TAB2: variants seen among roughly 807,000 people sequenced by gnomAD.
TAB2 encodes TGF-beta-activated kinase 1 and MAP3K7-binding protein 2.
A neutral mutation model predicts 65.0 loss-of-function variants in TAB2; 3 were observed. The observed-to-expected ratio is 0.05, with a 90% CI of 0.02 to 0.12. The LOEUF (loss-of-function observed/expected upper bound fraction) is 0.12, where lower values mean the gene tolerates loss of function less well. TAB2 is among the 10% of genes least tolerant of loss of function. TAB2 has a pLI of 1.00. For synonymous variants in TAB2, 298 were observed against 285.1 expected (o/e 1.05, Z -0.46); for missense variants, 623 against 840.3 (o/e 0.74, Z 3.20).
intron 2 of TAB2, among the ~76,000 whole-genome samples, chr6:149,373,503 T>G (rs1270531363): frequency 6.6e-6 from 1 of 150,496 alleles, no homozygotes; most frequent in Admixed American, 6.6e-5. Context: ...TCCACTAGAC[T>G]GAGATTCTTG....
intron 3 of TAB2, among the ~76,000 whole-genome samples, chr6:149,393,487 A>G (rs1392920216): frequency 2.0e-5 from 3 of 152,302 alleles, no homozygotes; most frequent in East Asian, 1.9e-4. Context: ...CCTCACAACC[A>G]TATGTGTAGC....
At chr6:149,267,008 A>C (rs1289659322) in intron 1 of TAB2, among the ~76,000 whole-genome samples, 1 of 152,228 alleles carries the variant, frequency 6.6e-6, no homozygotes, top group Non-Finnish European at 1.5e-5. Context: ...ATTGAATTTT[A>C]GAAGATTAAA....
At chr6:149,319,159 G>A (rs1261502026) in intron 1 of TAB2, among the ~76,000 whole-genome samples, 1 of 152,188 alleles carries the variant, frequency 6.6e-6, no homozygotes, top group Non-Finnish European at 1.5e-5. Flanking sequence ...TTTCGTTTCC[G>A]CTTTAGCATA....
intron 1 of TAB2, among the ~76,000 whole-genome samples, chr6:149,320,577 A>C (rs890774885): frequency 1.3e-5 from 2 of 152,222 alleles, no homozygotes; most frequent in Non-Finnish European, 2.9e-5. Context: ...CTGTGAACCT[A>C]CTGCATTTTG....
At chr6:149,305,840 C>T (rs1018938293) in intron 1 of TAB2, among the ~76,000 whole-genome samples, 5 of 152,168 alleles carry the variant, frequency 3.3e-5, no homozygotes, top group African/African-American at 4.8e-5. Context: ...TTCCATTTTA[C>T]AATAGCAAGC....
chr6:149,356,889 TGC>T (rs1780671112), intron 1 of TAB2, among the ~76,000 whole-genome samples: 1 of 152,208 alleles, frequency 6.6e-6, no homozygotes, highest in Non-Finnish European at 1.5e-5. Context: ...ATGATTAATT[TGC>T]TACAAACAGA....
At chr6:149,252,017 G>A (rs1394034145) in intron 1 of TAB2, among the ~76,000 whole-genome samples, 2 of 152,064 alleles carry the variant, frequency 1.3e-5, no homozygotes, top group Non-Finnish European at 2.9e-5. Context: ...TATCCTTAAG[G>A]ATATTTTCTT....
intron 1 of TAB2, among the ~76,000 whole-genome samples, chr6:149,311,236 C>G (rs1275212212): frequency 6.6e-6 from 1 of 152,164 alleles, no homozygotes; most frequent in Non-Finnish European, 1.5e-5. Flanking sequence ...TAAATATGCT[C>G]TATCTTTTCT....
intron 1 of TAB2, among the ~76,000 whole-genome samples, chr6:149,319,180 TATG>T (rs1481055136): frequency 1.3e-5 from 2 of 152,250 alleles, no homozygotes; most frequent in Non-Finnish European, 2.9e-5. Context: ...CTCTAAAGGT[TATG>T]ATGATCATTA....
chr6:149,372,139 G>T (rs1160518991), intron 2 of TAB2, among the ~76,000 whole-genome samples: 2 of 151,906 alleles, frequency 1.3e-5, no homozygotes, highest in Admixed American at 6.6e-5. Flanking sequence ...CCGTAACTGG[G>T]AGTAAAACAT....
chr6:149,332,953 T>A (rs1226825482), intron 1 of TAB2, among the ~76,000 whole-genome samples: 1 of 152,220 alleles, frequency 6.6e-6, no homozygotes, highest in Non-Finnish European at 1.5e-5. Context: ...TAATATTTCC[T>A]TATTGATAAT....
intron 1 of TAB2, among the ~76,000 whole-genome samples, chr6:149,360,967 G>T (rs190326969): frequency 2.6e-5 from 4 of 152,148 alleles, no homozygotes; most frequent in African/African-American, 7.2e-5. Flanking sequence ...TCCATGTCCC[G>T]CATCCAGGCC....
chr6:149,356,309 A>G (rs1014330785), intron 1 of TAB2, among the ~76,000 whole-genome samples: 8 of 152,222 alleles, frequency 5.3e-5, no homozygotes, highest in African/African-American at 1.2e-4. Context: ...GTGAGACTCA[A>G]CTTCATTTTA....
At chr6:149,275,916 G>C (rs1376111116) in intron 1 of TAB2, among the ~76,000 whole-genome samples, 1 of 152,194 alleles carries the variant, frequency 6.6e-6, no homozygotes, top group Admixed American at 6.5e-5. Context: ...CTAGCCTAGA[G>C]GAGATTATGA....
chr6:149,263,304 A>G (rs1258239791), intron 1 of TAB2, among the ~76,000 whole-genome samples: 2 of 152,202 alleles, frequency 1.3e-5, no homozygotes, highest in South Asian at 2.1e-4. Flanking sequence ...TTACAGAAAA[A>G]CAGATCTTTT....
intron 1 of TAB2, chr6:149,304,555 C>A (rs574667325): frequency 4.8e-4 from 73 of 152,370 alleles, no homozygotes; most frequent in African/African-American, 1.7e-3. Flanking sequence ...TGGAGCAGGT[C>A]CTATACTGAT....
chr6:149,233,378 G>A (rs1777440660), intron 1 of TAB2, among the ~76,000 whole-genome samples: 2 of 152,164 alleles, frequency 1.3e-5, no homozygotes. Context: ...GCAGAAAGCA[G>A]CAAACTAAAC....
chr6:149,371,096 C>A (rs1781212302), intron 2 of TAB2, among the ~76,000 whole-genome samples: 2 of 143,628 alleles, frequency 1.4e-5, no homozygotes, highest in South Asian at 4.5e-4. Flanking sequence ...AAAAAGTGTC[C>A]GGGGCTCAGT....
Position 149,259,055 on chromosome 6 carries a change from A to C in TAB2, c.-121+40279A>C, listed in dbSNP as rs191073771. Among the ~76,000 whole-genome samples the C allele has an allele frequency of 1.6e-3, 249 of 152,294 alleles. 1 individual carries two copies. Among genetic ancestry groups the C allele is most frequent in the Admixed American group, 4.8e-3 (73 of 15,292 alleles). On this transcript the variant is annotated intron_variant, in intron 1 of 1. Transcript: ENST00000606202. ...TCTCTCCCAGGGCCTCCAGAAAGGAACACAATGCTGTCAACCCCTTGATTT... is the reference window on the plus strand; with the variant it reads ...TCTCTCCCAGGGCCTCCAGAAAGGACCACAATGCTGTCAACCCCTTGATTT...
Sources: allele counts gnomAD v4.1 joint callset (sites outside exome capture counted in the v4.1 genomes callset), GRCh38; gene constraint gnomAD v4.1.1; transcripts MANE v1.5; gene names NCBI Gene and HGNC (gene_info 2026-07-23, HGNC 2026-07-21).